GNAS: variants seen among roughly 807,000 people sequenced by gnomAD.
GNAS encodes GNAS complex locus.
In GNAS, 8 loss-of-function variants were observed where a neutral mutation model predicts 54.5. The ratio of observed to expected loss-of-function variants is 0.15; its 90% CI spans 0.09 to 0.26. GNAS has a LOEUF of 0.26. Ranked by LOEUF, GNAS falls within the 10% of genes least tolerant of loss-of-function variation. The pLI is 1.00. For missense variants in GNAS, 170 were observed against 529.8 expected, an observed-to-expected ratio of 0.32 and a Z score of 6.67; for synonymous variants, 204 against 191.4, an observed-to-expected ratio of 1.07 and a Z score of -0.54.
intron 5 of GNAS, 25 bp downstream of exon 5, chr20:58,903,816 G>A: frequency 6.2e-7 from 1 of 1,613,828 alleles, no homozygotes; most frequent in South Asian, 1.1e-5. Context: ...GACTTGTGTG[G>A]CCTTAGCCCC....
In GNAS at chr20:58,855,486, C is replaced by T. The variant is rs1055732184; in HGVS notation, c.43+14600C>T. ...CTTGCTAGAAAGTTCCAGGGAGGGACCCTAACTGCCCTGGGAGCGGGAGGG... is the reference window on the plus strand; with the variant it reads ...CTTGCTAGAAAGTTCCAGGGAGGGATCCTAACTGCCCTGGGAGCGGGAGGG... On this transcript the variant is annotated intron_variant, in intron 1 of 12. Transcript: ENST00000306090. 9.1e-6 allele frequency: 7 copies of T among 767,970 alleles called. No homozygotes were observed. In the Admixed American group the frequency reaches 1.4e-4, roughly 15 times the overall value. 47.6% of individuals were successfully genotyped at this position (767,970 alleles called of 1,614,324 possible). A position where few individuals can be genotyped will look rare whatever the true frequency, so the allele number is the denominator to read the frequency against.
chr20:58,842,251 A>C (rs2085766754), intron 1 of GNAS: 1 of 398,482 alleles, frequency 2.5e-6, no homozygotes, highest in Non-Finnish European at 4.4e-6. Context: ...AATGTCTTTA[A>C]AAAATCTCAT....
intron 1 of GNAS, among the ~76,000 whole-genome samples, chr20:58,874,269 G>A (rs1276640105): frequency 6.6e-6 from 1 of 152,252 alleles, no homozygotes; most frequent in African/African-American, 2.4e-5. Flanking sequence ...AGGGGCTGCA[G>A]AGGCCTGGCC....
upstream of GNAS, chr20:58,840,472 G>A (rs936448388): frequency 8.1e-6 from 13 of 1,613,546 alleles, 1 homozygote; most frequent in Non-Finnish European, 1.1e-5. The surrounding 1 kb of genome is among the most constrained non-coding windows in gnomAD (Gnocchi z 6.0). Flanking sequence ...TCGAGTCCGA[G>A]ACCGACTTCG....
At chr20:58,903,042 A>C (rs1006705723) in intron 3 of GNAS, 3 of 260,984 alleles carry the variant, frequency 1.1e-5, no homozygotes. Context: ...GGGCTCCTGT[A>C]ATGAACTATT....
chr20:58,879,423 C>T (rs2088071834), intron 1 of GNAS, among the ~76,000 whole-genome samples: 1 of 152,196 alleles, frequency 6.6e-6, no homozygotes, highest in Non-Finnish European at 1.5e-5. Context: ...TGCAGATGTC[C>T]TGTTCTGGGG....
intron 6 of GNAS, among the ~76,000 whole-genome samples, chr20:58,906,447 C>T (rs1371657506): frequency 6.6e-6 from 1 of 152,170 alleles, no homozygotes; most frequent in East Asian, 1.9e-4. Flanking sequence ...TAGAAAGTTG[C>T]CTTTGAAATA....
upstream of GNAS, chr20:58,889,257 T>C: frequency 9.3e-7 from 1 of 1,069,798 alleles, no homozygotes; most frequent in Non-Finnish European, 1.1e-6. Context: ...GGCTCCGGGC[T>C]GCGGCGCGGC....
chr20:58,840,335 C>T (rs1481989173), upstream of GNAS: 2 of 1,613,130 alleles, frequency 1.2e-6, no homozygotes, highest in South Asian at 1.1e-5. This position sits in a 1 kb window ranked among gnomAD's most constrained non-coding sequence, Gnocchi z 6.0. Flanking sequence ...CCAGGTATTC[C>T]CTGAGTCCCC....
Position 58,909,868 on chromosome 20 carries a change from G to A in GNAS, c.839+64G>A, listed in dbSNP as rs28395799. On this transcript the variant is annotated intron_variant, in intron 10 of 12. Coordinates refer to ENST00000371085, the MANE Select transcript of GNAS (RefSeq NM_000516.7). The surrounding 1 kb of genome is among the most constrained non-coding windows in gnomAD (Gnocchi z 7.3). ...GAGGCCCTGGTCTGCACTGTTTATA[G>A]AGAAGAACCCCGTGCAAGCATTCCA... is the stretch of plus-strand genomic sequence containing the variant. 2 of 1,612,648 alleles carry A rather than the reference G, an allele frequency of 1.2e-6. No homozygotes were observed. Among genetic ancestry groups the A allele is most frequent in the South Asian group, 2.2e-5 (2 of 91,004 alleles).
At chr20:58,871,197 C>T (rs530571544) in intron 1 of GNAS, among the ~76,000 whole-genome samples, 14 of 152,294 alleles carry the variant, frequency 9.2e-5, no homozygotes, top group South Asian at 2.1e-4. Context: ...TTTGAAATCC[C>T]GGGGTCCTTG....
chr20:58,839,840 C>A, upstream of GNAS: 1 of 595,704 alleles, frequency 1.7e-6, no homozygotes, highest in Middle Eastern at 4.5e-4. Flanking sequence ...GAGAGGAGCC[C>A]GGGAGGAGAC....
intron 1 of GNAS, among the ~76,000 whole-genome samples, chr20:58,884,025 T>C (rs1191898416): frequency 6.6e-6 from 1 of 152,240 alleles, no homozygotes; most frequent in Non-Finnish European, 1.5e-5. Flanking sequence ...GTTAATTGCT[T>C]AATTCCTGGT....
chr20:58,858,160 A>C (rs1467608600), intron 1 of GNAS, among the ~76,000 whole-genome samples: 1 of 152,200 alleles, frequency 6.6e-6, no homozygotes, highest in Non-Finnish European at 1.5e-5. Context: ...AAGACTTTTT[A>C]CTAACTTTTT....
intron 1 of GNAS, chr20:58,855,396 G>T (rs2086433545): frequency 2.7e-6 from 4 of 1,459,456 alleles, no homozygotes; most frequent in Admixed American, 2.0e-5. Flanking sequence ...GGGGGTGGCA[G>T]GGCTGCCTGG....
intron 1 of GNAS, among the ~76,000 whole-genome samples, chr20:58,866,262 AAGAC>A (rs543109583): frequency 1.6e-3 from 246 of 152,332 alleles, no homozygotes; most frequent in African/African-American, 5.6e-3. Context: ...CTGATCTTTC[AAGAC>A]AGACAGTTAG....
At chr20:58,896,612 C>CAAAACGTGTAAA (rs1257769177) in intron 2 of GNAS, among the ~76,000 whole-genome samples, 20 of 143,578 alleles carry the variant, frequency 1.4e-4, no homozygotes, top group African/African-American at 5.2e-4. Flanking sequence ...TCTCGTGTAA[C>CAAAACGTGTAAA]AAAACGTGTA....
Position 58,857,400 on chromosome 20 carries a change from C to A in GNAS, c.43+16514C>A, listed in dbSNP as rs1240090671. 6.6e-6 allele frequency among the ~76,000 whole-genome samples: 1 copy of A among 152,214 alleles called. No homozygotes were observed. The highest frequency in any genetic ancestry group is 2.4e-5 in the African/African-American group (1 of 41,456). On this transcript the variant is annotated intron_variant, in intron 1 of 12. Coordinates refer to the GNAS transcript ENST00000306090. The surrounding 1 kb of genome is among the most constrained non-coding windows in gnomAD (Gnocchi z 4.1). ...GACAATGCACTGGTTTCCCTGCAGACAACTGATTTTGCCATAACAGACCCA... is the reference window on the plus strand; with the variant it reads ...GACAATGCACTGGTTTCCCTGCAGAAAACTGATTTTGCCATAACAGACCCA...
At chr20:58,905,766 A>C (rs1206880589) in intron 6 of GNAS, among the ~76,000 whole-genome samples, 1 of 152,238 alleles carries the variant, frequency 6.6e-6, no homozygotes, top group East Asian at 1.9e-4. Context: ...AGTAGGAAGT[A>C]ATTAATTGAA....
Sources: gnomAD v4.1 joint callset for allele counts (sites outside exome capture counted in the v4.1 genomes callset) on GRCh38, gnomAD v4.1.1 for gene constraint, Gnocchi (gnomAD v3.1) non-coding constraint, MANE v1.5 for transcripts, NCBI Gene and HGNC (gene_info 2026-07-23, HGNC 2026-07-21) for gene names.